SCHIP1: variants seen among roughly 807,000 people sequenced by gnomAD.
SCHIP1 encodes schwannomin-interacting protein 1.
A neutral mutation model predicts 29.7 loss-of-function variants in SCHIP1; 8 were observed. That is an observed-to-expected ratio of 0.27 (90% CI 0.16 to 0.49). The LOEUF (loss-of-function observed/expected upper bound fraction) is 0.49. Among genes scored for constraint, SCHIP1 ranks in the 20% least tolerant of loss-of-function variants. The probability of loss-of-function intolerance (pLI) is 0.99; values close to 1 mark genes in which losing one functional copy is unlikely to be tolerated. For synonymous variants in SCHIP1, 76 were observed against 94.9 expected (o/e 0.80, Z 1.16); for missense variants, 193 against 294.6 (o/e 0.66, Z 2.52).
chr3:159,342,050 G>A, the SCHIP1 span, among the ~76,000 whole-genome samples: 1 of 152,286 alleles, frequency 6.6e-6, no homozygotes, highest in African/African-American at 2.4e-5. Context: ...AGGAATAATA[G>A]CAAAGGTAAT....
At chr3:159,623,512 G>A in the SCHIP1 span, among the ~76,000 whole-genome samples, 7 of 152,178 alleles carry the variant, frequency 4.6e-5, no homozygotes, top group African/African-American at 1.2e-4. Context: ...TGTAATCCCA[G>A]CTACCAAGGA....
chr3:159,531,011 A>G, the SCHIP1 span, among the ~76,000 whole-genome samples: 3 of 152,232 alleles, frequency 2.0e-5, no homozygotes, highest in Admixed American at 2.0e-4. Flanking sequence ...GCCATCATCC[A>G]GAGCCTCATC....
chr3:159,639,749 G>C, the SCHIP1 span, among the ~76,000 whole-genome samples: 1 of 152,114 alleles, frequency 6.6e-6, no homozygotes, highest in Non-Finnish European at 1.5e-5. Flanking sequence ...ACGTAGTTTG[G>C]AAGGTAATGG....
At chr3:159,896,677 G>C in intron 6 of SCHIP1, 46 bp from the exon 8 acceptor site, 1 of 1,520,466 alleles carries the variant, frequency 6.6e-7, no homozygotes, top group Non-Finnish European at 8.8e-7. Flanking sequence ...AAAGCAGTTT[G>C]GATCTCTCTA....
At chr3:159,552,857 G>C in the SCHIP1 span, among the ~76,000 whole-genome samples, 1 of 152,170 alleles carries the variant, frequency 6.6e-6, no homozygotes, top group East Asian at 1.9e-4. Flanking sequence ...TGACAAGCTT[G>C]CTCATTCTGT....
chr3:159,739,149 C>T, the SCHIP1 span, among the ~76,000 whole-genome samples: 2 of 152,186 alleles, frequency 1.3e-5, no homozygotes, highest in African/African-American at 4.8e-5. Context: ...TCTTGCACTG[C>T]TCTTGATAGA....
At chr3:159,437,230 T>C in the SCHIP1 span, among the ~76,000 whole-genome samples, 1 of 152,100 alleles carries the variant, frequency 6.6e-6, no homozygotes, top group African/African-American at 2.4e-5. Context: ...CTATTGATAT[T>C]TGAGGGGCTC....
At chr3:159,896,988 C>CA in exon 7 of SCHIP1, 6 of 447,230 alleles carry the variant, frequency 1.3e-5, no homozygotes, top group Non-Finnish European at 2.3e-5. Context: ...AATATTGTTA[C>CA]AAAAAATGTA....
At chr3:159,479,277 C>G in the SCHIP1 span, among the ~76,000 whole-genome samples, 1 of 151,818 alleles carries the variant, frequency 6.6e-6, no homozygotes, top group Non-Finnish European at 1.5e-5. Flanking sequence ...TCTAAATTTT[C>G]TTGTATATAC....
At chr3:159,892,023 T>C in intron 5 of SCHIP1, 74 bp from the exon 7 acceptor site, 1 of 1,519,968 alleles carries the variant, frequency 6.6e-7, no homozygotes. Context: ...GTGTGTATAC[T>C]GGTTGGTAAC....
chr3:159,502,269 T>A, the SCHIP1 span, among the ~76,000 whole-genome samples: 3 of 152,162 alleles, frequency 2.0e-5, no homozygotes, highest in Non-Finnish European at 4.4e-5. Context: ...TTTAGTTTGA[T>A]CGTAATGTAT....
At chr3:159,333,514 T>TATACAC in the SCHIP1 span, among the ~76,000 whole-genome samples, 1 of 151,220 alleles carries the variant, frequency 6.6e-6, no homozygotes, top group Non-Finnish European at 1.5e-5. Flanking sequence ...TACACAAACA[T>TATACAC]ACACACACAC....
chr3:159,706,930 G>T, the SCHIP1 span, among the ~76,000 whole-genome samples: 5 of 152,264 alleles, frequency 3.3e-5, no homozygotes, highest in East Asian at 7.7e-4. Context: ...TTCAGCACTC[G>T]TTATGTGTCA....
chr3:159,615,405 G>A, the SCHIP1 span, among the ~76,000 whole-genome samples: 1 of 152,252 alleles, frequency 6.6e-6, no homozygotes, highest in African/African-American at 2.4e-5. Flanking sequence ...AACTTGAACA[G>A]TAGAGGAAAA....
intron 6 of SCHIP1, 82 bp from the exon 8 acceptor site, chr3:159,896,641 T>C (rs1718094892): frequency 1.4e-5 from 19 of 1,364,082 alleles, no homozygotes; most frequent in Non-Finnish European, 1.9e-5. Context: ...AACTTCAGTT[T>C]GCAGGATGCT....
At chr3:159,464,712 G>A in the SCHIP1 span, among the ~76,000 whole-genome samples, 4 of 152,038 alleles carry the variant, frequency 2.6e-5, no homozygotes, top group South Asian at 2.1e-4. Context: ...TATTACCCAC[G>A]GAGCTTGAAT....
At chr3:159,815,240 A>G in the SCHIP1 span, among the ~76,000 whole-genome samples, 2 of 152,306 alleles carry the variant, frequency 1.3e-5, no homozygotes, top group East Asian at 3.9e-4. Flanking sequence ...ATATCGGAAG[A>G]GTTCCCAGTG....
the SCHIP1 span, among the ~76,000 whole-genome samples, chr3:159,744,930 C>T: frequency 3.9e-5 from 6 of 151,928 alleles, no homozygotes; most frequent in Admixed American, 1.3e-4. Context: ...TGCAGTGAGC[C>T]GAGATTGCGC....
chr3:159,338,838 A>G, the SCHIP1 span, among the ~76,000 whole-genome samples: 1 of 152,192 alleles, frequency 6.6e-6, no homozygotes, highest in Non-Finnish European at 1.5e-5. Context: ...CACCAAATAC[A>G]AAAGGCTGTG....
Sources: allele counts gnomAD v4.1 joint callset (sites outside exome capture counted in the v4.1 genomes callset), GRCh38; gene constraint gnomAD v4.1.1; transcripts MANE v1.5; gene names NCBI Gene and HGNC (gene_info 2026-07-23, HGNC 2026-07-21).